The following CAST variants were observed in gnomAD, a reference collection of about 807,000 sequenced individuals.
CAST encodes the protein calpastatin, also known as MIR583 host.
A neutral mutation model predicts 119.6 loss-of-function variants in CAST; 76 were observed. The observed-to-expected ratio is 0.64, with a 90% CI of 0.53 to 0.77. The LOEUF (loss-of-function observed/expected upper bound fraction) is 0.77, where lower values mean the gene tolerates loss of function less well. CAST is among the 30% of genes least tolerant of loss of function. The probability of loss-of-function intolerance (pLI) is 0.00; values close to 1 mark genes in which losing one functional copy is unlikely to be tolerated. For missense variants in CAST, 953 were observed against 946.5 expected (o/e 1.01, Z -0.09); for synonymous variants, 319 against 331.6 (o/e 0.96, Z 0.41).
At chr5:96,105,173 G>A in the CAST span, among the ~76,000 whole-genome samples, 89 of 149,748 alleles carry the variant, frequency 5.9e-4, no homozygotes, top group South Asian at 3.2e-3. Context: ...CAATCATGTC[G>A]TCTGCAAACA....
the CAST span, among the ~76,000 whole-genome samples, chr5:96,072,443 GC>G: frequency 6.6e-6 from 1 of 152,162 alleles, no homozygotes; most frequent in Non-Finnish European, 1.5e-5. Flanking sequence ...GACTCTAGGA[GC>G]TTTTACAGGT....
At chr5:95,968,783 G>A in the CAST span, among the ~76,000 whole-genome samples, 2 of 152,150 alleles carry the variant, frequency 1.3e-5, no homozygotes, top group African/African-American at 2.4e-5. Context: ...TATTGGGAAC[G>A]TTTGCTTTTG....
At chr5:96,218,596 G>C in the CAST span, among the ~76,000 whole-genome samples, 1 of 152,152 alleles carries the variant, frequency 6.6e-6, no homozygotes, top group African/African-American at 2.4e-5. Context: ...AACTTCTGCT[G>C]CCTGTGGCTA....
the CAST span, among the ~76,000 whole-genome samples, chr5:95,987,740 G>A: frequency 6.6e-6 from 1 of 152,234 alleles, no homozygotes; most frequent in African/African-American, 2.4e-5. Flanking sequence ...GTGGCACACA[G>A]TAGATACTCA....
chr5:96,691,005 C>T (rs1752661930), intron 2 of CAST, among the ~76,000 whole-genome samples: 1 of 152,098 alleles, frequency 6.6e-6, no homozygotes, highest in Admixed American at 6.6e-5. Context: ...TGTGGAAATG[C>T]CAGAGTGTAC....
chr5:96,541,542 A>G (rs1745913294), intron 1 of CAST, among the ~76,000 whole-genome samples: 1 of 152,206 alleles, frequency 6.6e-6, no homozygotes, highest in Non-Finnish European at 1.5e-5. Context: ...TGACAAACAC[A>G]TCAGGTCATG....
chr5:96,371,806 T>C, the CAST span, among the ~76,000 whole-genome samples: 37 of 152,126 alleles, frequency 2.4e-4, no homozygotes, highest in Non-Finnish European at 4.0e-4. Context: ...GAAAATGGGA[T>C]TAAAAATCCA....
chr5:96,273,204 T>A, the CAST span, among the ~76,000 whole-genome samples: 2 of 152,218 alleles, frequency 1.3e-5, no homozygotes, highest in Non-Finnish European at 2.9e-5. Context: ...AATGAGCTAT[T>A]GTTTAAGATA....
At position 96,729,166 on chromosome 5, in the gene CAST, A is replaced by G. The variant is rs763104847; in HGVS notation, c.392A>G (p.His131Arg). The G allele has an allele frequency of 1.4e-5, 22 of 1,598,298 alleles. No homozygotes were observed. Among genetic ancestry groups the G allele is most frequent in the Non-Finnish European group, 1.9e-5 (22 of 1,166,464 alleles). ...TGAAATTGACAGCTGTCTGTGGTTC[A>G]TGAGAAAAAATCCCAAGAAGGAAAG... ...KSQSTKLSVV[H>R]EKKSQEGKPK... Residue 131 changes from histidine (H) to arginine (R), a missense_variant, in exon 7 of 32, where the codon CAT becomes CGT. Physicochemically the swap from His to Arg is conservative, Grantham distance 29. Coordinates refer to ENST00000675179, the MANE Select transcript of CAST (RefSeq NM_001750.7).
chr5:96,515,340 A>C, the CAST span, among the ~76,000 whole-genome samples: 1 of 150,970 alleles, frequency 6.6e-6, no homozygotes, highest in Admixed American at 6.6e-5. Context: ...TGTCCTGTCC[A>C]TCTAGCCTGT....
At chr5:96,169,976 C>A in the CAST span, among the ~76,000 whole-genome samples, 1 of 152,042 alleles carries the variant, frequency 6.6e-6, no homozygotes, top group African/African-American at 2.4e-5. Flanking sequence ...CCGTCAATAC[C>A]CACAACAGTT....
At chr5:96,347,783 T>C in the CAST span, among the ~76,000 whole-genome samples, 1 of 151,998 alleles carries the variant, frequency 6.6e-6, no homozygotes, top group Non-Finnish European at 1.5e-5. Flanking sequence ...GGAGCAAAAG[T>C]GAACTAAAAC....
intron 20 of CAST, among the ~76,000 whole-genome samples, chr5:96,753,750 G>A (rs150374856): frequency 4.6e-5 from 7 of 152,040 alleles, no homozygotes; most frequent in African/African-American, 1.5e-4. Flanking sequence ...TTTTTTCCTG[G>A]TATGCAACTT....
intron 20 of CAST, 39 bp from the exon 21 acceptor site, chr5:96,754,021 T>G (rs1490291766): frequency 8.3e-7 from 1 of 1,211,568 alleles, no homozygotes; most frequent in Admixed American, 1.7e-5. Context: ...AAGGGAGTGA[T>G]TAACCACCTA....
the CAST span, among the ~76,000 whole-genome samples, chr5:96,408,595 A>G: frequency 6.6e-6 from 1 of 152,350 alleles, no homozygotes; most frequent in Admixed American, 6.5e-5. Flanking sequence ...CTTTTCTGAG[A>G]TTCCCAAACG....
chr5:95,961,738 TGCCGCC>T, the CAST span: 12 of 1,580,402 alleles, frequency 7.6e-6, no homozygotes, highest in African/African-American at 4.1e-5. Context: ...CTCCCCGGGG[TGCCGCC>T]GCCGCCGCCG....
chr5:96,064,340 C>T, the CAST span, among the ~76,000 whole-genome samples: 4 of 152,092 alleles, frequency 2.6e-5, no homozygotes, highest in African/African-American at 9.7e-5. Flanking sequence ...TAGAGACTCT[C>T]ATAAACCTAG....
the CAST span, among the ~76,000 whole-genome samples, chr5:96,108,178 C>T: frequency 1.5e-4 from 23 of 152,180 alleles, no homozygotes; most frequent in South Asian, 4.2e-4. Flanking sequence ...AATGTCCTCC[C>T]GTAGCTTGGA....
chr5:96,046,437 T>C, the CAST span, among the ~76,000 whole-genome samples: 6 of 152,162 alleles, frequency 3.9e-5, no homozygotes, highest in Admixed American at 3.9e-4. Flanking sequence ...ACTTAGTCTT[T>C]AATTAAAGTG....
Sources: allele counts gnomAD v4.1 joint callset (sites outside exome capture counted in the v4.1 genomes callset), GRCh38; gene constraint gnomAD v4.1.1; transcripts MANE v1.5; gene names NCBI Gene and HGNC (gene_info 2026-07-23, HGNC 2026-07-21).